The following ELP4 variants were observed in gnomAD, a reference collection of about 807,000 sequenced individuals.
ELP4 encodes elongator acetyltransferase complex subunit 4, also known as elongator complex protein 4.
In ELP4, 51 loss-of-function variants were observed where a neutral mutation model predicts 48.9. That is an observed-to-expected ratio of 1.04 (90% CI 0.83 to 1.32). ELP4 has a LOEUF of 1.32. Ranked by LOEUF, ELP4 falls within the 40% of genes most tolerant of loss-of-function variation. ELP4 has a pLI of 0.00. For synonymous variants in ELP4, 210 were observed against 189.2 expected (o/e 1.11, Z -0.90); for missense variants, 519 against 514.6 (o/e 1.01, Z -0.08).
chr11:31,631,807 A>G (rs1944867666), intron 6 of ELP4, among the ~76,000 whole-genome samples: 1 of 152,186 alleles, frequency 6.6e-6, no homozygotes, highest in Admixed American at 6.6e-5. Flanking sequence ...GGATAAAATT[A>G]AATGAGAAAT....
intron 9 of ELP4, among the ~76,000 whole-genome samples, chr11:31,705,667 G>A (rs1327009327): frequency 6.6e-6 from 1 of 152,016 alleles, no homozygotes; most frequent in Non-Finnish European, 1.5e-5. Context: ...TTATGTCTTA[G>A]TTCTAACTTT....
At position 31,594,783 on chromosome 11, in the gene ELP4, C is replaced by A. The variant is rs1247605008; in HGVS notation, c.395C>A (p.Pro132Gln). The A allele has an allele frequency of 5.9e-6, 9 of 1,520,778 alleles. No individual in the cohort carries two copies. Among genetic ancestry groups the A allele is most frequent in the African/African-American group, 1.4e-5 (1 of 69,402 alleles). 94.2% of individuals were successfully genotyped at this position (1,520,778 alleles called of 1,614,324 possible). A position where few individuals can be genotyped will look rare whatever the true frequency, so the allele number is the denominator to read the frequency against. Residue 132 changes from proline (P) to glutamine (Q), a missense_variant, in exon 4 of 10, where the codon CCA (proline) becomes CAA (glutamine). Coordinates refer to ENST00000640961, the MANE Select transcript of ELP4 (RefSeq NM_019040.5). ...PANILQELPA[P>Q]LLDDKCKKEF... is the part of the protein sequence containing the mutation. The stretch of plus-strand genomic sequence containing the variant: ...TTGTTTTCTTAGGAACTTCCAGCAC[C>A]ATTACTTGATGATAAATGTAAAAAG...
chr11:31,548,883 G>A (rs1592106115), intron 3 of ELP4, among the ~76,000 whole-genome samples: 2 of 152,236 alleles, frequency 1.3e-5, no homozygotes, highest in East Asian at 3.9e-4. Flanking sequence ...CAAGCAATGG[G>A]GAAAGGATTT....
intron 9 of ELP4, among the ~76,000 whole-genome samples, chr11:31,674,974 G>A (rs757018978): frequency 4.5e-4 from 69 of 152,046 alleles, no homozygotes; most frequent in Non-Finnish European, 7.5e-4. Flanking sequence ...TAAAGTGTGC[G>A]CATGTTTGTA....
intron 9 of ELP4, among the ~76,000 whole-genome samples, chr11:31,746,720 A>G (rs1360720694): frequency 1.3e-5 from 2 of 152,024 alleles, no homozygotes; most frequent in Admixed American, 6.5e-5. Flanking sequence ...GGGGAACATC[A>G]CACACCGGGG....
intron 9 of ELP4, among the ~76,000 whole-genome samples, chr11:31,676,951 T>G (rs1271092425): frequency 4.6e-5 from 7 of 152,176 alleles, no homozygotes. Flanking sequence ...CACACATTTT[T>G]AAGTTGATAT....
chr11:31,574,184 T>C (rs573706094), intron 3 of ELP4, among the ~76,000 whole-genome samples: 9 of 152,168 alleles, frequency 5.9e-5, no homozygotes, highest in Non-Finnish European at 1.2e-4. Context: ...TAAGAAGTCA[T>C]GTGCTTTTTC....
intron 9 of ELP4, among the ~76,000 whole-genome samples, chr11:31,722,931 G>A (rs549846620): frequency 2.1e-4 from 32 of 152,276 alleles, no homozygotes; most frequent in African/African-American, 7.0e-4. Flanking sequence ...CCAGAAGTGG[G>A]GAAGTCGAGC....
chr11:31,617,836 A>G lies in ELP4; in HGVS notation c.654-9274A>G, dbSNP rs377082047. ...CAGATAATAACAAGTGTTGACAAGG[A>G]TGTGAAGAAATCAAAACCATCATAC... On this transcript the variant is annotated intron_variant, in intron 5 of 9. Coordinates refer to ENST00000640961, the MANE Select transcript of ELP4 (RefSeq NM_019040.5). Among the ~76,000 whole-genome samples, 4 of 151,978 alleles carry G rather than the reference A, an allele frequency of 2.6e-5. No homozygotes were observed. In the East Asian group the frequency reaches 7.7e-4, roughly 29 times the overall value.
At chr11:31,547,420 C>G (rs1956750415) in intron 3 of ELP4, among the ~76,000 whole-genome samples, 1 of 152,176 alleles carries the variant, frequency 6.6e-6, no homozygotes, top group Admixed American at 6.5e-5. Context: ...CATACACTCT[C>G]CCAAGACTAA....
chr11:31,738,150 C>G (rs925918310), intron 9 of ELP4, among the ~76,000 whole-genome samples: 1 of 146,750 alleles, frequency 6.8e-6, no homozygotes, highest in Non-Finnish European at 1.5e-5. Context: ...AATTCCAGCA[C>G]TTTGGGAGAC....
At chr11:31,520,671 A>G (rs904221313) in intron 2 of ELP4, among the ~76,000 whole-genome samples, 3 of 152,092 alleles carry the variant, frequency 2.0e-5, no homozygotes, top group African/African-American at 4.8e-5. Context: ...TATTTAATTC[A>G]TGTATCTGTA....
intron 2 of ELP4, among the ~76,000 whole-genome samples, chr11:31,538,316 G>A (rs1177394758): frequency 1.4e-5 from 2 of 147,718 alleles, no homozygotes; most frequent in African/African-American, 4.9e-5. Context: ...TTACAGTAAT[G>A]ACAATATAAT....
rs1408012273 is a variant in ELP4 at position 31,784,254 on chromosome 11, A to T, written c.*730A>T. 1 of 152,228 alleles carries T rather than the reference A, an allele frequency of 6.6e-6. No homozygotes were observed. Among genetic ancestry groups the T allele is most frequent in the Non-Finnish European group, 1.5e-5 (1 of 68,020 alleles). The allele number at this position is 152,228 out of a possible 1,614,324, so 9.4% of individuals were successfully genotyped here. On this transcript the variant is annotated 3_prime_UTR_variant, in exon 10 of 10. Transcript: ENST00000640961. Reference sequence around the variant, plus strand: ...AATGCTAGGATACCAGGAGAAAAACATATACTGAAGCTTGTTGAGAGATTT... The same window carrying T: ...AATGCTAGGATACCAGGAGAAAAACTTATACTGAAGCTTGTTGAGAGATTT...
chr11:31,630,542 T>A (rs1478091276), intron 6 of ELP4, among the ~76,000 whole-genome samples: 3 of 152,066 alleles, frequency 2.0e-5, no homozygotes, highest in African/African-American at 4.8e-5. Context: ...TTGGCCAGGC[T>A]GGTCTCAAAC....
At chr11:31,773,180 T>C (rs535027039) in intron 9 of ELP4, among the ~76,000 whole-genome samples, 1 of 152,378 alleles carries the variant, frequency 6.6e-6, no homozygotes, top group South Asian at 2.1e-4. Flanking sequence ...TACAGTTTCC[T>C]CAGGACTTAG....
chr11:31,562,213 A>T (rs903944707), intron 3 of ELP4, among the ~76,000 whole-genome samples: 2 of 152,222 alleles, frequency 1.3e-5, no homozygotes, highest in Non-Finnish European at 2.9e-5. Flanking sequence ...TCAAAATGTG[A>T]TAGTTTCTAA....
intron 9 of ELP4, among the ~76,000 whole-genome samples, chr11:31,776,090 G>T (rs79048351): frequency 0.022 from 3,272 of 149,064 alleles, 118 homozygotes; most frequent in African/African-American, 0.076. Context: ...GGGGAAGGCT[G>T]CAGTGAGCTG....
intron 3 of ELP4, among the ~76,000 whole-genome samples, chr11:31,546,803 A>G (rs537662814): frequency 1.3e-5 from 2 of 152,204 alleles, no homozygotes; most frequent in Non-Finnish European, 2.9e-5. Flanking sequence ...CCACAGTGCA[A>G]TCAAACTAGA....
Sources: allele counts gnomAD v4.1 joint callset (sites outside exome capture counted in the v4.1 genomes callset), GRCh38; gene constraint gnomAD v4.1.1; transcripts MANE v1.5; gene names NCBI Gene and HGNC (gene_info 2026-07-23, HGNC 2026-07-21).